Variants in RIT2 observed in about 807,000 individuals in gnomAD.
RIT2 encodes the protein GTP-binding protein Rit2.
RIT2 carries 24 observed loss-of-function variants against 23.7 expected under a neutral mutation model. That is an observed-to-expected ratio of 1.01 (90% CI 0.73 to 1.43). RIT2 has a LOEUF of 1.43. Ranked by LOEUF, RIT2 falls within the 40% of genes most tolerant of loss-of-function variation. The probability of loss-of-function intolerance (pLI) is 0.00; values close to 1 mark genes in which losing one functional copy is unlikely to be tolerated. For missense variants in RIT2, 236 were observed against 266.9 expected (o/e 0.88, Z 0.81); for synonymous variants, 107 against 91.1 (o/e 1.17, Z -0.99).
At chr18:43,057,868 T>G (rs1018341155) in intron 1 of RIT2, among the ~76,000 whole-genome samples, 1 of 148,356 alleles carries the variant, frequency 6.7e-6, no homozygotes, top group Non-Finnish European at 1.5e-5. Context: ...AGAAATTAAA[T>G]GAGCTCAGAA....
chr18:42,972,881 A>G (rs1910393866), intron 3 of RIT2, among the ~76,000 whole-genome samples: 1 of 151,840 alleles, frequency 6.6e-6, no homozygotes, highest in Non-Finnish European at 1.5e-5. Flanking sequence ...ATCTTTTACA[A>G]CTATACAGCC....
chr18:42,824,930 T>C (rs1333274356), intron 4 of RIT2, among the ~76,000 whole-genome samples: 2 of 152,006 alleles, frequency 1.3e-5, no homozygotes, highest in African/African-American at 4.8e-5. Context: ...GCCATATTCA[T>C]GAAGCTGAAT....
rs528374514 is a variant in RIT2, at chr18:43,056,827, T to G, written c.104-22960A>C. On this transcript the variant is annotated intron_variant, in intron 1 of 4. Transcript: ENST00000326695. The stretch of plus-strand genomic sequence containing the variant: ...GGAGGAATGAGCAGGACGATAGCTT[T>G]TGACTTAACAGAACTGCCATGATCT... Among the ~76,000 whole-genome samples, 22 of 152,212 alleles carry G rather than the reference T, an allele frequency of 1.4e-4. No homozygotes were observed. In the South Asian group the frequency reaches 2.7e-3, roughly 19 times the overall value.
rs562504745 is a variant in RIT2 at position 43,006,613 on chromosome 18, C to G, written c.160+27198G>C. ...GAGTGAATAAATACAATTGGTGATG[C>G]CTTAAGAGTTGTGAAAGATAATACT... On this transcript the variant is annotated intron_variant, in intron 2 of 4. Coordinates refer to ENST00000326695, the MANE Select transcript of RIT2 (RefSeq NM_002930.4). Among the ~76,000 whole-genome samples, 5 of 150,994 alleles carry G rather than the reference C, an allele frequency of 3.3e-5. No homozygotes were observed. In the South Asian group the frequency reaches 8.4e-4, roughly 25 times the overall value.
chr18:43,108,161 C>T (rs1015848010), intron 1 of RIT2, among the ~76,000 whole-genome samples: 13 of 138,332 alleles, frequency 9.4e-5, no homozygotes, highest in African/African-American at 3.5e-4. Context: ...AGTGATAGAA[C>T]GAGACTCCAT....
At chr18:42,988,512 C>G (rs757967684) in intron 2 of RIT2, among the ~76,000 whole-genome samples, 19 of 152,136 alleles carry the variant, frequency 1.2e-4, no homozygotes, top group Non-Finnish European at 2.4e-4. Context: ...GTTGAAGGAC[C>G]TTTCCGTTCA....
intron 2 of RIT2, among the ~76,000 whole-genome samples, chr18:43,031,584 T>A (rs1256339283): frequency 6.6e-6 from 1 of 152,086 alleles, no homozygotes; most frequent in South Asian, 2.1e-4. Flanking sequence ...GAACAATTAC[T>A]CCTTGGGATG....
At chr18:43,082,606 A>C (rs1913183025) in intron 1 of RIT2, among the ~76,000 whole-genome samples, 1 of 152,182 alleles carries the variant, frequency 6.6e-6, no homozygotes, top group South Asian at 2.1e-4. Context: ...TCCATCACAT[A>C]AACAGAACCA....
intron 4 of RIT2, among the ~76,000 whole-genome samples, chr18:42,837,256 C>T (rs1443032378): frequency 7.2e-6 from 1 of 139,690 alleles, no homozygotes; most frequent in Non-Finnish European, 1.5e-5. Context: ...CAAACTCCAG[C>T]TCCCGGGCTC....
intron 4 of RIT2, among the ~76,000 whole-genome samples, chr18:42,847,999 C>T (rs924386538): frequency 6.6e-6 from 1 of 151,014 alleles, no homozygotes; most frequent in Non-Finnish European, 1.5e-5. Context: ...CTAGATCCCC[C>T]TATAATGAGA....
chr18:42,926,311 T>C (rs1046582040), intron 3 of RIT2, among the ~76,000 whole-genome samples: 1 of 151,990 alleles, frequency 6.6e-6, no homozygotes, highest in African/African-American at 2.4e-5. Flanking sequence ...TTTGTATTTA[T>C]TATTTATGTG....
chr18:42,787,405 C>T (rs913883408), intron 4 of RIT2, among the ~76,000 whole-genome samples: 3 of 149,722 alleles, frequency 2.0e-5, no homozygotes, highest in Non-Finnish European at 2.9e-5. Context: ...TGCACATGTA[C>T]CCTAGAACTT....
At chr18:42,757,589 T>G (rs1913193573) in intron 4 of RIT2, among the ~76,000 whole-genome samples, 1 of 152,200 alleles carries the variant, frequency 6.6e-6, no homozygotes, top group South Asian at 2.1e-4. Flanking sequence ...TTCTACGTTT[T>G]CTGGCCTTAC....
chr18:42,927,723 T>C (rs1909218877), intron 3 of RIT2, among the ~76,000 whole-genome samples: 1 of 151,994 alleles, frequency 6.6e-6, no homozygotes, highest in African/African-American at 2.4e-5. Flanking sequence ...ACAGACCCTT[T>C]GTATAAAATG....
In RIT2 at chr18:42,822,367, A is replaced by G. The variant is rs370678739; in HGVS notation, c.427-78647T>C. 2.0e-5 allele frequency among the ~76,000 whole-genome samples: 3 copies of G among 152,174 alleles called. No homozygotes were observed. The South Asian group carries it at 6.2e-4, about 32-fold the overall frequency. On this transcript the variant is annotated intron_variant, in intron 4 of 4. Transcript: ENST00000326695. The stretch of plus-strand genomic sequence containing the variant: ...TTGGGATCCAAAATTTAGACCCTGA[A>G]GTTATTTGGCAATTTCACTCACGTT...
chr18:42,917,214 A>AAAT lies in RIT2; in HGVS notation c.426+6357_426+6358insATT, dbSNP rs552955204. ...GTCTGTCACTGATTTGTCCAAGGACACAGTAATCATCTGAGTAACAATTCA... is the reference window on the plus strand; with the variant it reads ...GTCTGTCACTGATTTGTCCAAGGACAAATCAGTAATCATCTGAGTAACAATTCA... On this transcript the variant is annotated intron_variant, in intron 4 of 4. Transcript: ENST00000326695. Among the ~76,000 whole-genome samples, 6 of 152,212 alleles carry AAAT rather than the reference A, an allele frequency of 3.9e-5. No homozygotes were observed. The South Asian group carries it at 1.2e-3, about 32-fold the overall frequency.
chr18:43,021,259 A>AT lies in RIT2; in HGVS notation c.160+12551dup, dbSNP rs539968590. On this transcript the variant is annotated intron_variant, in intron 2 of 4. Transcript: ENST00000326695. Reference sequence around the variant, plus strand: ...ATATTTCTCAATAGATGACACGCAAATGTCCAAGAAGTATACGAAGAAATG... The same window carrying AT: ...ATATTTCTCAATAGATGACACGCAAATTGTCCAAGAAGTATACGAAGAAATG... Among the ~76,000 whole-genome samples the AT allele has an allele frequency of 3.0e-3, 456 of 152,258 alleles. 5 individuals carry two copies. The highest frequency in any genetic ancestry group is 0.01 in the African/African-American group (429 of 41,560).
chr18:43,097,414 G>A (rs1035781668), intron 1 of RIT2, among the ~76,000 whole-genome samples: 2 of 151,978 alleles, frequency 1.3e-5, no homozygotes, highest in East Asian at 3.9e-4. Flanking sequence ...CAAAGACAGC[G>A]AAAAGTAGAA....
intron 4 of RIT2, among the ~76,000 whole-genome samples, chr18:42,852,554 T>C (rs1345341565): frequency 6.6e-6 from 1 of 152,160 alleles, no homozygotes; most frequent in Non-Finnish European, 1.5e-5. Flanking sequence ...GGAGATGTTG[T>C]TGAGAGACAG....
Sources: allele counts gnomAD v4.1 joint callset (sites outside exome capture counted in the v4.1 genomes callset), GRCh38; gene constraint gnomAD v4.1.1; transcripts MANE v1.5; gene names NCBI Gene and HGNC (gene_info 2026-07-23, HGNC 2026-07-21).